The following TMEM132B variants were observed in gnomAD, a reference collection of about 807,000 sequenced individuals.
TMEM132B encodes transmembrane protein 132B.
A neutral mutation model predicts 90.8 loss-of-function variants in TMEM132B; 18 were observed. The observed-to-expected ratio is 0.20, with a 90% confidence interval of 0.14 to 0.29. The LOEUF (loss-of-function observed/expected upper bound fraction) is 0.29, where lower values mean the gene tolerates loss of function less well. Ranked by LOEUF, TMEM132B falls within the 10% of genes least tolerant of loss-of-function variation. TMEM132B has a pLI of 1.00. For synonymous variants in TMEM132B, 504 were observed against 523.3 expected, an observed-to-expected ratio of 0.96 and a Z score of 0.50; for missense variants, 1,096 against 1,326.8, an observed-to-expected ratio of 0.83 and a Z score of 2.70.
At chr12:125,239,749 C>T (rs528562502) in intron 1 of TMEM132B, among the ~76,000 whole-genome samples, 60 of 152,288 alleles carry the variant, frequency 3.9e-4, no homozygotes, top group African/African-American at 1.3e-3. Context: ...CGAGCGCTGC[C>T]GTGGAGGTGC....
chr12:125,633,263 G>T (rs565498332), intron 5 of TMEM132B, among the ~76,000 whole-genome samples: 7 of 152,008 alleles, frequency 4.6e-5, no homozygotes, highest in African/African-American at 1.7e-4. Context: ...AAGAATTTCT[G>T]CTTGTTTTTA....
Position 125,497,670 on chromosome 12 carries a change from G to T in TMEM132B, c.1107-21769G>T, listed in dbSNP as rs1031951089. ...CGGGCCCTCTTCTTCTGAACCAGGG[G>T]TTTCTTCCTCTCTTTACCTAAGCAT... On this transcript the variant is annotated intron_variant, in intron 3 of 8. Transcript: ENST00000682704. Among the ~76,000 whole-genome samples the T allele has an allele frequency of 2.0e-5, 3 of 152,072 alleles. No individual in the cohort carries two copies. In the East Asian group the frequency reaches 5.8e-4, roughly 29 times the overall value.
chr12:125,333,739 T>C (rs1876867473), intron 1 of TMEM132B, among the ~76,000 whole-genome samples: 1 of 152,224 alleles, frequency 6.6e-6, no homozygotes, highest in East Asian at 1.9e-4. Context: ...AAGCTTATTG[T>C]ATCTTTAAAG....
At chr12:125,478,628 C>T (rs938196681) in intron 3 of TMEM132B, among the ~76,000 whole-genome samples, 10 of 152,198 alleles carry the variant, frequency 6.6e-5, no homozygotes, top group South Asian at 2.1e-4. Flanking sequence ...ACCAAATCTA[C>T]GTCTGATTCG....
intron 3 of TMEM132B, among the ~76,000 whole-genome samples, chr12:125,516,920 T>C (rs1375977799): frequency 6.6e-6 from 1 of 152,170 alleles, no homozygotes; most frequent in Non-Finnish European, 1.5e-5. Context: ...TCGTGGAGAA[T>C]TTCTGTGACT....
intron 4 of TMEM132B, among the ~76,000 whole-genome samples, chr12:125,545,713 G>C (rs1219287586): frequency 1.3e-5 from 2 of 152,188 alleles, no homozygotes; most frequent in Non-Finnish European, 2.9e-5. Flanking sequence ...CACCATGAAG[G>C]GAGAGGCTGC....
rs140528930 is a variant in TMEM132B at position 125,450,082 on chromosome 12, T to C, written c.1106+34405T>C. The stretch of plus-strand genomic sequence containing the variant: ...TGTATGTGGATTTGTACATGTTATA[T>C]GTACATGTATATTTTTAGCTCTGTT... On this transcript the variant is annotated intron_variant, in intron 3 of 8. Coordinates refer to ENST00000682704, the MANE Select transcript of TMEM132B (RefSeq NM_001366854.1). 6.9e-3 allele frequency among the ~76,000 whole-genome samples: 1,052 copies of C among 152,340 alleles called. 16 individuals are homozygous for C. The highest frequency in any genetic ancestry group is 0.024 in the African/African-American group (981 of 41,572).
intron 3 of TMEM132B, among the ~76,000 whole-genome samples, chr12:125,477,971 C>A (rs1350651274): frequency 1.3e-5 from 2 of 152,222 alleles, no homozygotes; most frequent in African/African-American, 4.8e-5. Context: ...CCCAGGCAAA[C>A]AGGGTCTGAA....
chr12:125,369,508 A>G (rs1878231077), intron 2 of TMEM132B, among the ~76,000 whole-genome samples: 1 of 152,214 alleles, frequency 6.6e-6, no homozygotes. Context: ...CATGAGAAGA[A>G]AAAAGAGCTC....
Position 125,224,073 on chromosome 12 carries a change from G to A in TMEM132B, c.67+37207G>A, listed in dbSNP as rs145670667. Among the ~76,000 whole-genome samples, 1,397 of 152,260 alleles carry A rather than the reference G, an allele frequency of 9.2e-3. 19 individuals carry two copies. The highest frequency in any genetic ancestry group is 0.032 in the African/African-American group (1,334 of 41,546). ...ATTACAGGCGTGAACCACCGTGCCCGGCCTAATGTTTTAAGGTTCAACCCC... is the reference window on the plus strand; with the variant it reads ...ATTACAGGCGTGAACCACCGTGCCCAGCCTAATGTTTTAAGGTTCAACCCC... On this transcript the variant is annotated intron_variant, in intron 1 of 8. Coordinates refer to ENST00000682704, the MANE Select transcript of TMEM132B (RefSeq NM_001366854.1).
chr12:125,471,264 G>T (rs1881711615), intron 3 of TMEM132B, among the ~76,000 whole-genome samples: 1 of 152,208 alleles, frequency 6.6e-6, no homozygotes, highest in Non-Finnish European at 1.5e-5. Context: ...GGCTGCTGTG[G>T]TCCGGGGGTG....
chr12:125,283,882 A>G (rs1875271463), intron 1 of TMEM132B, among the ~76,000 whole-genome samples: 1 of 152,316 alleles, frequency 6.6e-6, no homozygotes, highest in African/African-American at 2.4e-5. Context: ...AGACTTTGAG[A>G]TCAACCCTCT....
At position 125,249,741 on chromosome 12, in the gene TMEM132B, C is replaced by T. The variant is rs538328265; in HGVS notation, c.67+62875C>T. Among the ~76,000 whole-genome samples the T allele has an allele frequency of 1.1e-4, 16 of 152,284 alleles. No individual in the cohort carries two copies. In the East Asian group the frequency reaches 3.1e-3, roughly 29 times the overall value. On this transcript the variant is annotated intron_variant, in intron 1 of 8. Coordinates refer to ENST00000682704, the MANE Select transcript of TMEM132B (RefSeq NM_001366854.1). ...CAAGCTATCATCAAGCACTGGGTGA[C>T]TGATTAGATGAAGGGATCTGTAAGA...
chr12:125,412,892 G>A (rs1879894739), intron 2 of TMEM132B, among the ~76,000 whole-genome samples: 1 of 152,090 alleles, frequency 6.6e-6, no homozygotes, highest in Non-Finnish European at 1.5e-5. Flanking sequence ...CTTTGTGAAA[G>A]TAGCAGATTT....
chr12:125,297,594 G>A (rs1379899247), intron 1 of TMEM132B, among the ~76,000 whole-genome samples: 1 of 152,196 alleles, frequency 6.6e-6, no homozygotes, highest in Non-Finnish European at 1.5e-5. Flanking sequence ...GCTAAAAGGT[G>A]GACCTCACTT....
intron 1 of TMEM132B, among the ~76,000 whole-genome samples, chr12:125,332,068 T>C (rs957487723): frequency 2.0e-5 from 3 of 152,190 alleles, no homozygotes; most frequent in African/African-American, 7.2e-5. Context: ...AATAATTATA[T>C]AATAGTATTA....
At chr12:125,230,344 G>T (rs1873789317) in intron 1 of TMEM132B, among the ~76,000 whole-genome samples, 1 of 152,304 alleles carries the variant, frequency 6.6e-6, no homozygotes, top group African/African-American at 2.4e-5. Context: ...GAGCAATGCT[G>T]CTTCAAGTGT....
chr12:125,307,867 CTTATA>C (rs1222015514), intron 1 of TMEM132B, among the ~76,000 whole-genome samples: 2 of 38,068 alleles, frequency 5.3e-5, no homozygotes, highest in Admixed American at 3.5e-4. Context: ...TTTATATATA[CTTATA>C]TTACTTATAT....
intron 1 of TMEM132B, among the ~76,000 whole-genome samples, chr12:125,331,974 C>T (rs1192184935): frequency 2.0e-5 from 3 of 152,040 alleles, no homozygotes; most frequent in Non-Finnish European, 4.4e-5. Flanking sequence ...GCCCAGGCTT[C>T]TCTTTAACTC....
Sources: gnomAD v4.1 joint callset for allele counts (sites outside exome capture counted in the v4.1 genomes callset) on GRCh38, gnomAD v4.1.1 for gene constraint, MANE v1.5 for transcripts, NCBI Gene and HGNC (gene_info 2026-07-23, HGNC 2026-07-21) for gene names.